Variants in PRRX2 observed in about 807,000 individuals in gnomAD.
PRRX2 encodes the protein paired related homeobox 2.
A neutral mutation model predicts 18.0 loss-of-function variants in PRRX2; 11 were observed. The ratio of observed to expected loss-of-function variants is 0.61; its 90% CI spans 0.39 to 1.01. PRRX2 has a LOEUF of 1.01. Ranked by LOEUF, PRRX2 falls within the 50% of genes least tolerant of loss-of-function variation. The pLI is 0.01. For missense variants in PRRX2, 387 were observed against 351.0 expected (o/e 1.10, Z -0.82); for synonymous variants, 177 against 154.8 (o/e 1.14, Z -1.06).
Position 129,719,219 on chromosome 9 carries a change from C to T in PRRX2, c.260-12C>T, listed in dbSNP as rs763470813. 2 of 1,560,044 alleles carry T rather than the reference C, an allele frequency of 1.3e-6. No individual in the cohort carries two copies. The highest frequency in any genetic ancestry group is 2.3e-5 in the East Asian group (1 of 43,678). On this transcript the variant is annotated splice_polypyrimidine_tract_variant and intron_variant, in intron 1 of 3. Transcript: ENST00000372469. Reference sequence around the variant, plus strand: ...CGTCCTGCTGACCATCCCGCCCCCCCAACCTCCGCAGGTGAGTGTCCCAGC... The same window carrying T: ...CGTCCTGCTGACCATCCCGCCCCCCTAACCTCCGCAGGTGAGTGTCCCAGC...
rs1035854199 is a variant in PRRX2, at chr9:129,722,471, G to A, written c.*119G>A. ...TCTCCTGGCCCGTCTGTCCAGCCTG[G>A]ACTCCCGAGCCCACGAGGCTGTTGA... On this transcript the variant is annotated 3_prime_UTR_variant, in exon 4 of 4. Transcript: ENST00000372469. 1.6e-6 allele frequency: 2 copies of A among 1,254,308 alleles called. No individual in the cohort carries two copies. Among genetic ancestry groups the A allele is most frequent in the African/African-American group, 1.5e-5 (1 of 64,924 alleles). The allele number at this position is 1,254,308 out of a possible 1,614,324, so 77.7% of individuals were successfully genotyped here.
intron 1 of PRRX2, among the ~76,000 whole-genome samples, chr9:129,666,578 C>A (rs1832028000): frequency 7.0e-6 from 1 of 143,602 alleles, no homozygotes; most frequent in Non-Finnish European, 1.5e-5. Context: ...CCCACCCCCC[C>A]CCACCCTCCA....
At chr9:129,711,475 G>C (rs907111309) in intron 1 of PRRX2, among the ~76,000 whole-genome samples, 1 of 138,662 alleles carries the variant, frequency 7.2e-6, no homozygotes, top group East Asian at 2.1e-4. Flanking sequence ...ACATGATCTC[G>C]GCTCACTGCA....
intron 1 of PRRX2, among the ~76,000 whole-genome samples, chr9:129,703,745 G>A (rs923178800): frequency 6.6e-5 from 10 of 152,206 alleles, no homozygotes; most frequent in Admixed American, 1.3e-4. Flanking sequence ...GGTGAGGGGC[G>A]CGGCAGAAAC....
At chr9:129,700,491 G>A (rs774068442) in intron 1 of PRRX2, among the ~76,000 whole-genome samples, 2 of 151,968 alleles carry the variant, frequency 1.3e-5, no homozygotes, top group African/African-American at 2.4e-5. Flanking sequence ...CACCAAGCCC[G>A]GCTAATTTTT....
chr9:129,698,035 C>T (rs967388177), intron 1 of PRRX2, among the ~76,000 whole-genome samples: 7 of 151,894 alleles, frequency 4.6e-5, no homozygotes, highest in African/African-American at 7.3e-5. Flanking sequence ...TCATTGAGGC[C>T]GGTCCCAGCT....
chr9:129,678,683 G>A (rs554847516), intron 1 of PRRX2, among the ~76,000 whole-genome samples: 7 of 152,306 alleles, frequency 4.6e-5, no homozygotes, highest in African/African-American at 1.4e-4. Context: ...ATGGGGGCCT[G>A]TGATCTGGCA....
At position 129,671,308 on chromosome 9, in the gene PRRX2, T is replaced by C. The variant is rs1832096887; in HGVS notation, c.259+5182T>C. Among the ~76,000 whole-genome samples, 1 of 152,204 alleles carries C rather than the reference T, an allele frequency of 6.6e-6. No homozygotes were observed. Among genetic ancestry groups the C allele is most frequent in the Non-Finnish European group, 1.5e-5 (1 of 68,024 alleles). ...TCCCAGCGTGGCTAGGGCGGGACAG[T>C]GGCCTGCATCTCGGCCTTCTTTTCG... On this transcript the variant is annotated intron_variant, in intron 1 of 3. Coordinates refer to ENST00000372469, the MANE Select transcript of PRRX2 (RefSeq NM_016307.4). This position sits in a 1 kb window ranked among gnomAD's most constrained non-coding sequence, Gnocchi z 4.0.
intron 1 of PRRX2, among the ~76,000 whole-genome samples, chr9:129,699,655 T>C (rs575746046): frequency 6.6e-6 from 1 of 152,320 alleles, no homozygotes; most frequent in South Asian, 2.1e-4. Context: ...TCAGTATTTA[T>C]TGAGGACCTG....
In PRRX2 at chr9:129,719,358, C is replaced by G. The variant is rs1393380088; in HGVS notation, c.387C>G (p.Pro129=). The stretch of plus-strand genomic sequence containing the variant: ...GCGTGTTCGAGCGCACGCACTACCC[C>G]GACGCCTTTGTGCGCGAGGAGCTTG... The part of the protein sequence containing the change: ...LERVFERTHY[P]DAFVREELAR... The change falls in exon 2 of 4, where the codon CCC becomes CCG. Residue 129 remains proline, a synonymous_variant. Transcript: ENST00000372469. 4 of 1,579,726 alleles carry G rather than the reference C, an allele frequency of 2.5e-6. No homozygotes were observed. The highest frequency in any genetic ancestry group is 3.4e-6 in the Non-Finnish European group (4 of 1,163,798).
At chr9:129,711,425 A>C (rs1218989116) in intron 1 of PRRX2, among the ~76,000 whole-genome samples, 1 of 58,270 alleles carries the variant, frequency 1.7e-5, no homozygotes, top group African/African-American at 7.4e-5. Context: ...TTTTTTTTTG[A>C]GACAGAGTCT....
At chr9:129,720,543 G>A in intron 2 of PRRX2, 53 bp from the exon 3 acceptor site, 2 of 1,505,464 alleles carry the variant, frequency 1.3e-6, no homozygotes, top group Non-Finnish European at 9.0e-7. Context: ...AGGTCCAGAA[G>A]GACTTGGGTC....
chr9:129,672,397 AG>A (rs1832110595), intron 1 of PRRX2, among the ~76,000 whole-genome samples: 1 of 152,108 alleles, frequency 6.6e-6, no homozygotes. Context: ...TTTTATGAAG[AG>A]GGAAACTGAG....
chr9:129,705,450 G>A (rs915984189), intron 1 of PRRX2, among the ~76,000 whole-genome samples: 1 of 152,152 alleles, frequency 6.6e-6, no homozygotes, highest in African/African-American at 2.4e-5. Context: ...CGCCTCCCGG[G>A]TTCAAGCAAT....
intron 1 of PRRX2, among the ~76,000 whole-genome samples, chr9:129,674,265 G>T (rs544301673): frequency 6.6e-6 from 1 of 152,276 alleles, no homozygotes; most frequent in South Asian, 2.1e-4. Context: ...TGACAGAATG[G>T]GTCCCCATGG....
chr9:129,701,185 G>C (rs933307141), intron 1 of PRRX2, among the ~76,000 whole-genome samples: 1 of 152,240 alleles, frequency 6.6e-6, no homozygotes, highest in Admixed American at 6.5e-5. Context: ...TCACACTAAC[G>C]TGAGGAAGAA....
intron 1 of PRRX2, among the ~76,000 whole-genome samples, chr9:129,688,934 AG>A (rs1456614907): frequency 2.6e-5 from 4 of 152,204 alleles, no homozygotes; most frequent in African/African-American, 4.8e-5. Context: ...TGGAAAGGAA[AG>A]GAAAGTGTCT....
intron 1 of PRRX2, among the ~76,000 whole-genome samples, chr9:129,689,815 C>T (rs1250558422): frequency 4.2e-3 from 418 of 99,600 alleles, no homozygotes; most frequent in African/African-American, 0.028. Context: ...TGCAGTGGCA[C>T]AATCTTGGCT....
chr9:129,719,219 C>CA lies in PRRX2; in HGVS notation c.260-10dup, dbSNP rs1564156527. On this transcript the variant is annotated splice_polypyrimidine_tract_variant and intron_variant, in intron 1 of 3. Transcript: ENST00000372469. ...CGTCCTGCTGACCATCCCGCCCCCC[C>CA]AACCTCCGCAGGTGAGTGTCCCAGC... 2 of 1,560,044 alleles carry CA rather than the reference C, an allele frequency of 1.3e-6. No homozygotes were observed. Among genetic ancestry groups the CA allele is most frequent in the East Asian group, 4.6e-5 (2 of 43,678 alleles).
Sources: allele counts gnomAD v4.1 joint callset (sites outside exome capture counted in the v4.1 genomes callset), GRCh38; gene constraint gnomAD v4.1.1; non-coding constraint Gnocchi (gnomAD v3.1); transcripts MANE v1.5; gene names NCBI Gene and HGNC (gene_info 2026-07-23, HGNC 2026-07-21).